Variants in ST3GAL3 observed in about 807,000 individuals in gnomAD.
The protein encoded by ST3GAL3 is ST3 beta-galactoside alpha-2,3-sialyltransferase 3.
ST3GAL3 carries 21 observed loss-of-function variants against 50.1 expected under a neutral mutation model. That is an observed-to-expected ratio of 0.42 (90% CI 0.30 to 0.60). The LOEUF (loss-of-function observed/expected upper bound fraction) is 0.60. ST3GAL3 is among the 20% of genes least tolerant of loss of function. The pLI, the probability that ST3GAL3 is intolerant of heterozygous loss-of-function variation, is 0.19. For synonymous variants in ST3GAL3, 183 were observed against 190.0 expected (o/e 0.96, Z 0.30); for missense variants, 353 against 489.4 (o/e 0.72, Z 2.63).
intron 3 of ST3GAL3, among the ~76,000 whole-genome samples, chr1:43,803,489 T>C (rs1299754365): frequency 2.0e-5 from 3 of 152,234 alleles, no homozygotes; most frequent in Non-Finnish European, 2.9e-5. Context: ...CTCACAGACT[T>C]TGTGAGCCCG....
chr1:43,855,637 A>G (rs1037285646), intron 5 of ST3GAL3, among the ~76,000 whole-genome samples: 17 of 152,212 alleles, frequency 1.1e-4, no homozygotes, highest in African/African-American at 4.1e-4. Flanking sequence ...TAAATTTAAA[A>G]AAAAAGGAAA....
intron 4 of ST3GAL3, among the ~76,000 whole-genome samples, chr1:43,837,662 G>T (rs1468862289): frequency 6.6e-6 from 1 of 152,188 alleles, no homozygotes; most frequent in Non-Finnish European, 1.5e-5. Flanking sequence ...TTGGTTTCAG[G>T]CTTCCTGCAA....
At chr1:43,850,707 T>G in intron 5 of ST3GAL3, 2 of 735,748 alleles carry the variant, frequency 2.7e-6, no homozygotes, top group Non-Finnish European at 5.0e-6. Flanking sequence ...TGTGACTGTT[T>G]GGTAGCCCAG....
intron 2 of ST3GAL3, chr1:43,736,988 A>G (rs898502336): frequency 1.1e-5 from 2 of 188,496 alleles, no homozygotes; most frequent in African/African-American, 4.8e-5. Context: ...CATAGCCTGA[A>G]TCCCACTGGT....
At chr1:43,815,100 C>T (rs535858632) in intron 4 of ST3GAL3, 167 bp downstream of exon 4, 17 of 751,340 alleles carry the variant, frequency 2.3e-5, no homozygotes, top group Middle Eastern at 3.5e-4. Context: ...CAGTCTGCAG[C>T]GGCCAGAGAG....
At chr1:43,836,095 TA>T (rs1301573189) in intron 4 of ST3GAL3, among the ~76,000 whole-genome samples, 1 of 152,222 alleles carries the variant, frequency 6.6e-6, no homozygotes, top group East Asian at 1.9e-4. Context: ...GCCTTGTGTG[TA>T]AATTAATTCA....
intron 5 of ST3GAL3, among the ~76,000 whole-genome samples, chr1:43,885,491 C>A (rs1257515484): frequency 1.3e-5 from 2 of 152,162 alleles, no homozygotes; most frequent in East Asian, 3.9e-4. Flanking sequence ...GAGCCTGCCC[C>A]ACCCTCCCCT....
At chr1:43,746,678 G>A (rs1683821402) in intron 2 of ST3GAL3, among the ~76,000 whole-genome samples, 1 of 151,778 alleles carries the variant, frequency 6.6e-6, no homozygotes, top group African/African-American at 2.4e-5. Flanking sequence ...TGGCCAGGAT[G>A]GTCTCAATCT....
chr1:43,879,001 G>T (rs1223456772), intron 5 of ST3GAL3: 1 of 455,970 alleles, frequency 2.2e-6, no homozygotes, highest in East Asian at 6.9e-5. Context: ...AGGAAGCAAT[G>T]CACAAAGAGT....
chr1:43,930,038 A>G lies in ST3GAL3; in HGVS notation c.1039-94A>G, dbSNP rs746479220. On this transcript the variant is annotated intron_variant, in intron 11 of 11. Coordinates refer to ENST00000347631, the MANE Select transcript of ST3GAL3 (RefSeq NM_006279.5). Reference sequence around the variant, plus strand: ...CTTCAGGTTTCCACAGTCACGGAGTATTGGAGAGTGGTGACGAAGAAGGCA... The same window carrying G: ...CTTCAGGTTTCCACAGTCACGGAGTGTTGGAGAGTGGTGACGAAGAAGGCA... The G allele has an allele frequency of 2.4e-5, 24 of 991,572 alleles. No homozygotes were observed. In the African/African-American group the frequency reaches 2.9e-4, roughly 12 times the overall value. 61.4% of individuals were successfully genotyped at this position (991,572 alleles called of 1,614,324 possible).
intron 2 of ST3GAL3, among the ~76,000 whole-genome samples, chr1:43,740,678 C>T (rs1285278716): frequency 2.0e-5 from 3 of 151,916 alleles, no homozygotes; most frequent in African/African-American, 7.3e-5. Flanking sequence ...CATAGTGGTG[C>T]ACACGTGTAC....
intron 2 of ST3GAL3, among the ~76,000 whole-genome samples, chr1:43,766,372 G>A (rs1471373943): frequency 1.3e-5 from 2 of 152,082 alleles, no homozygotes; most frequent in African/African-American, 2.4e-5. Flanking sequence ...AAGACAATGA[G>A]ATGAAGTGTT....
intron 5 of ST3GAL3, chr1:43,850,878 A>G (rs933162590): frequency 3.2e-6 from 4 of 1,253,946 alleles, no homozygotes; most frequent in Non-Finnish European, 4.7e-6. Flanking sequence ...AGAGTTGATG[A>G]GAGACTCCAG....
chr1:43,807,246 AT>A (rs1179932969), intron 3 of ST3GAL3, among the ~76,000 whole-genome samples: 1 of 151,716 alleles, frequency 6.6e-6, no homozygotes, highest in Non-Finnish European at 1.5e-5. Context: ...GTGAAACCCC[AT>A]CTCTATTAAA....
intron 1 of ST3GAL3, chr1:43,709,335 C>G (rs1465940674): frequency 1.3e-5 from 2 of 152,194 alleles, no homozygotes; most frequent in Non-Finnish European, 2.9e-5. Context: ...TCAAAGGAAG[C>G]TGTAGCTAAC....
At chr1:43,782,554 T>C (rs1699705954) in intron 2 of ST3GAL3, among the ~76,000 whole-genome samples, 1 of 77,002 alleles carries the variant, frequency 1.3e-5, no homozygotes, top group African/African-American at 4.6e-5. Context: ...TTCTGCCTTA[T>C]TTTCACTGTT....
At chr1:43,724,983 A>G (rs1171328230) in intron 1 of ST3GAL3, among the ~76,000 whole-genome samples, 1 of 152,180 alleles carries the variant, frequency 6.6e-6, no homozygotes, top group Non-Finnish European at 1.5e-5. Context: ...GAAGTCCTCT[A>G]AGGTGGGGCC....
chr1:43,723,001 T>G (rs924773224), intron 1 of ST3GAL3, among the ~76,000 whole-genome samples: 2 of 152,100 alleles, frequency 1.3e-5, no homozygotes, highest in Non-Finnish European at 2.9e-5. Context: ...CTTTGGGTCA[T>G]GGGGGCGGAT....
At chr1:43,902,264 G>A (rs1159188281) in intron 9 of ST3GAL3, among the ~76,000 whole-genome samples, 1 of 152,234 alleles carries the variant, frequency 6.6e-6, no homozygotes, top group African/African-American at 2.4e-5. Flanking sequence ...AGGCAGCTCT[G>A]TGTTCTGGAG....
Sources: gnomAD v4.1 joint callset for allele counts (sites outside exome capture counted in the v4.1 genomes callset) on GRCh38, gnomAD v4.1.1 for gene constraint, MANE v1.5 for transcripts, NCBI Gene and HGNC (gene_info 2026-07-23, HGNC 2026-07-21) for gene names.